The following GPC5 variants were observed in gnomAD, a reference collection of about 807,000 sequenced individuals.
GPC5 encodes the protein glypican 5, also known as glypican-5.
Under a neutral mutation model 53.9 loss-of-function variants are expected in GPC5, and 47 were observed. That is an observed-to-expected ratio of 0.87 (90% CI 0.69 to 1.11). The LOEUF is 1.11. GPC5 is among the 50% of genes most tolerant of loss of function. GPC5 has a pLI of 0.00. For synonymous variants in GPC5, 286 were observed against 263.3 expected, an observed-to-expected ratio of 1.09 and a Z score of -0.84; for missense variants, 748 against 713.1, an observed-to-expected ratio of 1.05 and a Z score of -0.56.
rs183072881 is a variant in GPC5 at position 92,521,198 on chromosome 13, T to C, written c.1562-345084T>C. ...ATCAATATCATGAAAATGGCCATACTGCCCAAGGTAATTTACAGAGTCGAT... is the reference window on the plus strand; with the variant it reads ...ATCAATATCATGAAAATGGCCATACCGCCCAAGGTAATTTACAGAGTCGAT... On this transcript the variant is annotated intron_variant, in intron 7 of 7. Transcript: ENST00000377067. Among the ~76,000 whole-genome samples, 847 of 152,332 alleles carry C rather than the reference T, an allele frequency of 5.6e-3. 4 individuals are homozygous for C. Among genetic ancestry groups the C allele is most frequent in the Non-Finnish European group, 7.7e-3 (524 of 68,034 alleles).
chr13:92,787,340 A>T (rs1402774370), intron 7 of GPC5, among the ~76,000 whole-genome samples: 1 of 152,148 alleles, frequency 6.6e-6, no homozygotes, highest in Non-Finnish European at 1.5e-5. Context: ...ATACTATATT[A>T]TGAAACAAAA....
chr13:91,968,196 T>G (rs976969808), intron 6 of GPC5, among the ~76,000 whole-genome samples: 1 of 152,116 alleles, frequency 6.6e-6, no homozygotes, highest in African/African-American at 2.4e-5. Flanking sequence ...GAAAATCTTT[T>G]CTCATTCCAA....
chr13:92,712,023 C>G (rs1594444319), intron 7 of GPC5, among the ~76,000 whole-genome samples: 1 of 151,192 alleles, frequency 6.6e-6, no homozygotes, highest in African/African-American at 2.4e-5. Context: ...GCCAAATAAA[C>G]CCCTAACAAG....
intron 7 of GPC5, among the ~76,000 whole-genome samples, chr13:92,357,397 A>G (rs2043531356): frequency 6.6e-6 from 1 of 151,698 alleles, no homozygotes; most frequent in African/African-American, 2.4e-5. Flanking sequence ...TGACTTTTTA[A>G]GAATAGCCAT....
intron 2 of GPC5, among the ~76,000 whole-genome samples, chr13:91,588,818 C>T (rs1269799952): frequency 6.6e-6 from 1 of 152,102 alleles, no homozygotes; most frequent in African/African-American, 2.4e-5. Flanking sequence ...TTCTTTCCAG[C>T]CTATAAAATT....
Position 91,908,071 on chromosome 13 carries a change from C to G in GPC5, c.1401+14C>G, listed in dbSNP as rs1417372371. On this transcript the variant is annotated intron_variant, in intron 6 of 7. Coordinates refer to ENST00000377067, the MANE Select transcript of GPC5 (RefSeq NM_004466.6). ...CATGTTGTTCAGGTAAGTCCTGATC[C>G]TATATTTATTAGTATACTCAGTCAT... is the stretch of plus-strand genomic sequence containing the variant. 2 of 1,500,828 alleles carry G rather than the reference C, an allele frequency of 1.3e-6. No individual in the cohort carries two copies. Among genetic ancestry groups the G allele is most frequent in the Non-Finnish European group, 1.8e-6 (2 of 1,131,114 alleles). 93.0% of individuals were successfully genotyped at this position (1,500,828 alleles called of 1,614,324 possible). A position where few individuals can be genotyped will look rare whatever the true frequency, so the allele number is the denominator to read the frequency against.
Position 91,670,048 on chromosome 13 carries a change from G to T in GPC5, c.326-23139G>T, listed in dbSNP as rs111578708. ...GGTAGAACTAGAATAGTCTAGATTA[G>T]AATGGCCTTCCGTGGAGAACTGGGA... is the stretch of plus-strand genomic sequence containing the variant. On this transcript the variant is annotated intron_variant, in intron 2 of 7. Coordinates refer to ENST00000377067, the MANE Select transcript of GPC5 (RefSeq NM_004466.6). Among the ~76,000 whole-genome samples the T allele has an allele frequency of 3.3e-3, 495 of 152,292 alleles. 2 individuals are homozygous for T. The highest frequency in any genetic ancestry group is 0.012 in the African/African-American group (480 of 41,562).
intron 7 of GPC5, among the ~76,000 whole-genome samples, chr13:92,203,121 T>A (rs1382917262): frequency 6.6e-6 from 1 of 152,156 alleles, no homozygotes; most frequent in African/African-American, 2.4e-5. Flanking sequence ...CTTTAATAAT[T>A]TAATATTTTG....
intron 2 of GPC5, among the ~76,000 whole-genome samples, chr13:91,559,557 G>A (rs1472158858): frequency 1.3e-5 from 2 of 152,080 alleles, no homozygotes; most frequent in African/African-American, 4.8e-5. Context: ...TGAAAGTTAG[G>A]TTACTAATTG....
intron 6 of GPC5, among the ~76,000 whole-genome samples, chr13:92,051,630 T>C (rs887648168): frequency 2.6e-5 from 4 of 152,224 alleles, no homozygotes; most frequent in Non-Finnish European, 4.4e-5. Context: ...TAAATAGATA[T>C]ACATTTTGAC....
intron 6 of GPC5, among the ~76,000 whole-genome samples, chr13:92,124,542 C>T (rs747592574): frequency 2.6e-5 from 4 of 152,066 alleles, no homozygotes; most frequent in Non-Finnish European, 5.9e-5. Context: ...CACTTTTGAC[C>T]ATTGAGAATG....
intron 7 of GPC5, among the ~76,000 whole-genome samples, chr13:92,595,769 A>C (rs1254194365): frequency 1.3e-5 from 2 of 148,848 alleles, no homozygotes; most frequent in African/African-American, 4.9e-5. Context: ...CTCTGTCTCA[A>C]AAAAAAAAAA....
At chr13:92,212,755 C>T (rs538493279) in intron 7 of GPC5, among the ~76,000 whole-genome samples, 1 of 152,308 alleles carries the variant, frequency 6.6e-6, no homozygotes, top group Admixed American at 6.5e-5. Context: ...AGCAGTGACC[C>T]TAGTTCTTCC....
rs140764577 is a variant in GPC5 at position 91,789,020 on chromosome 13, C to A, written c.1280+32600C>A. Among the ~76,000 whole-genome samples, 97 of 152,178 alleles carry A rather than the reference C, an allele frequency of 6.4e-4. No homozygotes were observed. In the East Asian group the frequency reaches 7.7e-3, roughly 12 times the overall value. On this transcript the variant is annotated intron_variant, in intron 5 of 7. Transcript: ENST00000377067. ...CCTGAGGTCAGGAGTTCGTGACCAG[C>A]CTGGCCAACATGGCGAAACCCCATC... is the stretch of plus-strand genomic sequence containing the variant.
intron 5 of GPC5, among the ~76,000 whole-genome samples, chr13:91,864,505 G>C (rs1304211572): frequency 1.3e-5 from 2 of 152,124 alleles, no homozygotes; most frequent in Non-Finnish European, 2.9e-5. Context: ...ATATTGTATA[G>C]AACTGGACCC....
chr13:92,781,172 TA>T (rs978770343), intron 7 of GPC5, among the ~76,000 whole-genome samples: 2 of 152,092 alleles, frequency 1.3e-5, no homozygotes, highest in Non-Finnish European at 2.9e-5. Flanking sequence ...TTGAATTATG[TA>T]AACATAACAA....
chr13:92,749,274 A>AT (rs1293874324), intron 7 of GPC5, among the ~76,000 whole-genome samples: 1 of 152,052 alleles, frequency 6.6e-6, no homozygotes, highest in Non-Finnish European at 1.5e-5. Flanking sequence ...TAATTGAGCC[A>AT]TTTTTTCAAT....
intron 7 of GPC5, among the ~76,000 whole-genome samples, chr13:92,337,637 C>T (rs780290711): frequency 6.6e-6 from 1 of 152,034 alleles, no homozygotes; most frequent in Non-Finnish European, 1.5e-5. Flanking sequence ...GAATACAGAG[C>T]CTAGAAATTG....
At chr13:91,969,323 A>G (rs527352393) in intron 6 of GPC5, among the ~76,000 whole-genome samples, 1 of 152,290 alleles carries the variant, frequency 6.6e-6, no homozygotes, top group South Asian at 2.1e-4. Context: ...TGCTAATAGC[A>G]TGGATATCTG....
Sources: allele counts gnomAD v4.1 joint callset (sites outside exome capture counted in the v4.1 genomes callset), GRCh38; gene constraint gnomAD v4.1.1; transcripts MANE v1.5; gene names NCBI Gene and HGNC (gene_info 2026-07-23, HGNC 2026-07-21).